The following HMCN2 variants were observed in gnomAD, a reference collection of about 807,000 sequenced individuals.
The protein encoded by HMCN2 is hemicentin-2.
A neutral mutation model predicts 377.5 loss-of-function variants in HMCN2; 325 were observed. The ratio of observed to expected loss-of-function variants is 0.86; its 90% CI spans 0.79 to 0.94. The LOEUF (loss-of-function observed/expected upper bound fraction) is 0.94, where lower values mean the gene tolerates loss of function less well. Ranked by LOEUF, HMCN2 falls within the 40% of genes least tolerant of loss-of-function variation. The pLI is 0.00. For synonymous variants in HMCN2, 2,007 were observed against 2,046.8 expected (o/e 0.98, Z 0.53); for missense variants, 4,543 against 4,725.3 (o/e 0.96, Z 1.13).
chr9:130,318,936 G>A (rs1423036498), intron 15 of HMCN2, among the ~76,000 whole-genome samples: 2 of 152,216 alleles, frequency 1.3e-5, no homozygotes, highest in Non-Finnish European at 2.9e-5. Flanking sequence ...CAATAGAAGG[G>A]GCTGTGGAAA....
At chr9:130,388,330 A>C (rs953177233) in intron 61 of HMCN2, 79 bp from the exon 62 acceptor site, 1 of 958,422 alleles carries the variant, frequency 1.0e-6, no homozygotes, top group Non-Finnish European at 1.2e-6. Flanking sequence ...AGGGCTTCTT[A>C]GGCCTCCCTG....
intron 78 of HMCN2, 124 bp from the exon 79 acceptor site, chr9:130,403,070 G>A (rs577385242): frequency 9.2e-7 from 1 of 1,084,644 alleles, no homozygotes; most frequent in South Asian, 1.5e-5. Context: ...TTGTTGCTGT[G>A]GCCGATGTTT....
intron 5 of HMCN2, 127 bp from the exon 6 acceptor site, chr9:130,295,539 G>A (rs1836081147): frequency 3.5e-5 from 12 of 345,698 alleles, no homozygotes; most frequent in Non-Finnish European, 4.6e-5. Flanking sequence ...GGACCACCAA[G>A]ACCCCTTGTC....
intron 77 of HMCN2, 84 bp from the exon 78 acceptor site, chr9:130,402,705 C>CA (rs1341445661): frequency 1.3e-6 from 1 of 785,204 alleles, no homozygotes; most frequent in African/African-American, 1.8e-5. Flanking sequence ...TGACCAGAGA[C>CA]AGAGTGGGGT....
In HMCN2 at chr9:130,404,947, G is replaced by C; in HGVS notation, c.12227G>C (p.Arg4076Thr). ...CACGCCTTCTTGCCTTGCAAGGCGA[G>C]GGGCAGTCCTGAGCCCAACATCACC... The part of the protein sequence containing the change: ...GSHAFLPCKA[R>T]GSPEPNITWD... The change falls in exon 81 of 98, where the codon AGG becomes ACG. Residue 4076 changes from arginine to threonine, a missense_variant. By Grantham distance (71) the Arg-to-Thr change is moderately conservative. Coordinates refer to ENST00000683500, the MANE Select transcript of HMCN2 (RefSeq NM_001291815.2). 1 of 1,289,202 alleles carries C rather than the reference G, an allele frequency of 7.8e-7. No homozygotes were observed. Among genetic ancestry groups the C allele is most frequent in the Non-Finnish European group, 1.0e-6 (1 of 988,576 alleles). 79.9% of individuals were successfully genotyped at this position (1,289,202 alleles called of 1,614,324 possible).
At chr9:130,397,440 G>T (rs1210129027) in intron 73 of HMCN2, 88 bp from the exon 74 acceptor site, 1 of 1,186,336 alleles carries the variant, frequency 8.4e-7, no homozygotes, top group Non-Finnish European at 1.1e-6. Flanking sequence ...TGGGAAAGTG[G>T]GGGCAGAGGG....
chr9:130,430,418 A>T lies in HMCN2; in HGVS notation c.14461A>T (p.Asn4821Tyr). The change falls in exon 95 of 98, where the codon AAT becomes TAT. Residue 4821 changes from asparagine (N) to tyrosine (Y), a missense_variant. This residue lies in a region of HMCN2 where 1,155 missense variants were observed against 1,157.7 expected (regional missense o/e 1.00). Transcript: ENST00000683500. ...DGKACTSLERNGQNVTTVSHR... is the reference protein window; with the variant it reads ...DGKACTSLERYGQNVTTVSHR... The stretch of plus-strand genomic sequence containing the variant: ...CAAGGCCTGCACCTCACTGGAGCGG[A>T]ATGGACAAAATGTGACCACCGTCAG... 1.9e-6 allele frequency: 3 copies of T among 1,550,444 alleles called. No individual in the cohort carries two copies. Among genetic ancestry groups the T allele is most frequent in the Non-Finnish European group, 2.6e-6 (3 of 1,146,952 alleles).
At chr9:130,276,130 G>T (rs1247853608) in intron 1 of HMCN2, among the ~76,000 whole-genome samples, 2 of 134,572 alleles carry the variant, frequency 1.5e-5, no homozygotes, top group African/African-American at 2.7e-5. Flanking sequence ...TGGGTGGGTG[G>T]GTGTGTCAGG....
chr9:130,343,404 G>A (rs1055299484), intron 25 of HMCN2, among the ~76,000 whole-genome samples: 5 of 152,168 alleles, frequency 3.3e-5, no homozygotes, highest in Admixed American at 6.5e-5. Context: ...CCCCAGAAAA[G>A]GACTCAGGGA....
chr9:130,281,198 G>A (rs1324634215), intron 1 of HMCN2, among the ~76,000 whole-genome samples: 1 of 152,092 alleles, frequency 6.6e-6, no homozygotes, highest in Non-Finnish European at 1.5e-5. Flanking sequence ...CCTGAGAGCA[G>A]GAGTTAAGAA....
chr9:130,359,451 C>A, intron 37 of HMCN2, 37 bp downstream of exon 37: 1 of 1,154,358 alleles, frequency 8.7e-7, no homozygotes, highest in Non-Finnish European at 1.2e-6. Context: ...CTACTTCCAG[C>A]CCAATTTACT....
chr9:130,413,641 T>C (rs2131763684), intron 85 of HMCN2, among the ~76,000 whole-genome samples: 1 of 152,290 alleles, frequency 6.6e-6, no homozygotes, highest in East Asian at 1.9e-4. Context: ...TGGTGGTGAA[T>C]GCCCTGGTGT....
Position 130,398,600 on chromosome 9 carries a change from C to T in HMCN2, c.11376C>T (p.His3792=), listed in dbSNP as rs1842720899. The change falls in exon 75 of 98, where the codon CAC becomes CAT. Residue 3792 remains histidine (H), a synonymous_variant. Transcript: ENST00000683500. ...CCTCCAACCTGACCCTGACCGCCCA[C>T]ACCCCAGCCTTGCTGCCCTGCGAGG... ...PSPSNLTLTA[H]TPALLPCEAS... 2 of 1,281,414 alleles carry T rather than the reference C, an allele frequency of 1.6e-6. No homozygotes were observed. The highest frequency in any genetic ancestry group is 2.0e-6 in the Non-Finnish European group (2 of 982,868). The allele number at this position is 1,281,414 out of a possible 1,614,324, so 79.4% of individuals were successfully genotyped here.
chr9:130,375,470 C>A, intron 49 of HMCN2, 93 bp from the exon 50 acceptor site: 1 of 679,666 alleles, frequency 1.5e-6, no homozygotes, highest in Non-Finnish European at 1.8e-6. Context: ...ACAGAAGTAC[C>A]GAGGCCAAGC....
rs1238842490 is a variant in HMCN2 at position 130,422,677 on chromosome 9, C to T, written c.13332C>T (p.Ser4444=). The change falls in exon 87 of 98, where the codon TCC becomes TCT. Residue 4444 remains serine, a synonymous_variant. Coordinates refer to ENST00000683500, the MANE Select transcript of HMCN2 (RefSeq NM_001291815.2). This position sits in a 1 kb window ranked among gnomAD's most constrained non-coding sequence, Gnocchi z 4.2. The part of the protein sequence containing the change: ...LNTSVMQEAH[S]GVSSIHSSIR... ...CCAGCGTGATGCAGGAGGCACACTC[C>T]GGGGTCAGCAGCATCCACAGCAGCA... 2.6e-5 allele frequency: 34 copies of T among 1,307,588 alleles called. No individual in the cohort carries two copies. In the East Asian group the frequency reaches 4.4e-4, roughly 17 times the overall value. 81.0% of individuals were successfully genotyped at this position (1,307,588 alleles called of 1,614,324 possible).
chr9:130,313,292 C>CTGGTAGTG (rs1470190912), intron 15 of HMCN2, among the ~76,000 whole-genome samples: 2 of 151,732 alleles, frequency 1.3e-5, no homozygotes, highest in Non-Finnish European at 2.9e-5. Flanking sequence ...AGCTGGCTTC[C>CTGGTAGTG]TGGTAGTGTC....
chr9:130,351,376 C>T lies in HMCN2; in HGVS notation c.4431-47C>T, dbSNP rs1164223126. 1.3e-5 allele frequency: 17 copies of T among 1,272,732 alleles called. No homozygotes were observed. The highest frequency in any genetic ancestry group is 2.2e-4 in the Middle Eastern group (1 of 4,578). 78.8% of individuals were successfully genotyped at this position (1,272,732 alleles called of 1,614,324 possible). ...ACTCCCTGTGTGCAGCGTGTCCCAT[C>T]CAGCCCCTCGGCCTTACTGGCGCTT... On this transcript the variant is annotated intron_variant, in intron 29 of 97. Transcript: ENST00000683500. This position sits in a 1 kb window ranked among gnomAD's most constrained non-coding sequence, Gnocchi z 5.4.
intron 85 of HMCN2, among the ~76,000 whole-genome samples, chr9:130,417,214 C>G (rs1223110356): frequency 6.6e-6 from 1 of 151,912 alleles, no homozygotes; most frequent in African/African-American, 2.4e-5. Context: ...TACCCAGCTG[C>G]AAGTATTGTT....
intron 1 of HMCN2, 104 bp from the exon 2 acceptor site, chr9:130,284,499 C>T (rs1215781301): frequency 4.5e-6 from 2 of 442,418 alleles, no homozygotes; most frequent in African/African-American, 4.0e-5. Context: ...GTGCCAGCCT[C>T]AGCTCCTCTG....
Sources: gnomAD v4.1 joint callset for allele counts (sites outside exome capture counted in the v4.1 genomes callset) on GRCh38, gnomAD v4.1.1 for gene constraint, gnomAD v4.1.1 regional missense constraint, Gnocchi (gnomAD v3.1) non-coding constraint, MANE v1.5 for transcripts, NCBI Gene and HGNC (gene_info 2026-07-23, HGNC 2026-07-21) for gene names.